The following SCUBE1 variants were observed in gnomAD, a reference collection of about 807,000 sequenced individuals.
SCUBE1 encodes signal peptide, CUB domain and EGF like domain containing 1.
In SCUBE1, 59 loss-of-function variants were observed where a neutral mutation model predicts 124.4. The observed-to-expected ratio is 0.47, with a 90% confidence interval of 0.38 to 0.59. SCUBE1 has a LOEUF of 0.59. Among genes scored for constraint, SCUBE1 ranks in the 20% least tolerant of loss-of-function variants. SCUBE1 has a pLI of 0.00. For missense variants in SCUBE1, 1,150 were observed against 1,371.2 expected (o/e 0.84, Z 2.55); for synonymous variants, 545 against 550.9 (o/e 0.99, Z 0.15).
chr22:43,229,229 A>C (rs1470882384), intron 8 of SCUBE1, 41 bp from the exon 9 acceptor site: 32 of 768,812 alleles, frequency 4.2e-5, no homozygotes, highest in Non-Finnish European at 6.1e-5. Flanking sequence ...GAGGAGTTTG[A>C]GGGAGTGGTG....
intron 6 of SCUBE1, among the ~76,000 whole-genome samples, chr22:43,241,817 C>T (rs999806751): frequency 6.6e-6 from 1 of 152,248 alleles, no homozygotes; most frequent in Non-Finnish European, 1.5e-5. Context: ...GAAATGTGCC[C>T]ATGTCAGGCT....
At chr22:43,293,806 A>C (rs751488606) in intron 3 of SCUBE1, among the ~76,000 whole-genome samples, 11 of 152,216 alleles carry the variant, frequency 7.2e-5, no homozygotes, top group Admixed American at 1.3e-4. Flanking sequence ...ACTGTAAAGC[A>C]AACCAAACAG....
chr22:43,265,871 G>A (rs541257009), intron 4 of SCUBE1, among the ~76,000 whole-genome samples: 2 of 152,196 alleles, frequency 1.3e-5, no homozygotes, highest in Non-Finnish European at 2.9e-5. Context: ...AGAGCGAGGC[G>A]GGGGGAATCA....
chr22:43,300,952 C>T (rs1292147282), intron 3 of SCUBE1, among the ~76,000 whole-genome samples: 1 of 152,172 alleles, frequency 6.6e-6, no homozygotes, highest in East Asian at 1.9e-4. Flanking sequence ...ACTTCATGGG[C>T]CGCGTGCTGA....
At position 43,211,549 on chromosome 22, in the gene SCUBE1, C is replaced by T. The variant is rs139608787; in HGVS notation, c.2222-466G>A. Among the ~76,000 whole-genome samples the T allele has an allele frequency of 6.7e-6, 1 of 150,278 alleles. No individual in the cohort carries two copies. Among genetic ancestry groups the T allele is most frequent in the East Asian group, 2.0e-4 (1 of 5,116 alleles). On this transcript the variant is annotated intron_variant, in intron 17 of 21. Coordinates refer to ENST00000360835, the MANE Select transcript of SCUBE1 (RefSeq NM_173050.5). This position sits in a 1 kb window ranked among gnomAD's most constrained non-coding sequence, Gnocchi z 4.5. ...TTTTTTTTTTTTGAGATGGAGCTCG[C>T]TCCGTCACCCAGGCTGGAGTGCAAT...
intron 3 of SCUBE1, among the ~76,000 whole-genome samples, chr22:43,299,038 C>T (rs1426563154): frequency 1.6e-4 from 22 of 139,896 alleles, no homozygotes; most frequent in South Asian, 9.5e-4. Context: ...GGCGACACAG[C>T]GAGACTCCGT....
chr22:43,336,371 C>T (rs9623813), intron 2 of SCUBE1, among the ~76,000 whole-genome samples: 2,867 of 152,282 alleles, frequency 0.019, 95 homozygotes, highest in African/African-American at 0.066. Context: ...TCCGCACTCC[C>T]CTCTGTGGAT....
intron 2 of SCUBE1, among the ~76,000 whole-genome samples, chr22:43,325,541 T>C (rs937338139): frequency 6.6e-6 from 1 of 152,034 alleles, no homozygotes; most frequent in African/African-American, 2.4e-5. Flanking sequence ...TACTTTTCTT[T>C]CCAAGATCTG....
intron 15 of SCUBE1, among the ~76,000 whole-genome samples, chr22:43,215,182 T>C (rs1329502615): frequency 2.6e-5 from 4 of 152,096 alleles, no homozygotes; most frequent in African/African-American, 7.2e-5. Flanking sequence ...AGAGTGTCAG[T>C]TGGATCTGAA....
intron 7 of SCUBE1, among the ~76,000 whole-genome samples, chr22:43,233,037 G>A (rs1328107257): frequency 6.6e-6 from 1 of 152,176 alleles, no homozygotes; most frequent in Non-Finnish European, 1.5e-5. Context: ...AAAATAAGAG[G>A]TTTTATTTCT....
At chr22:43,318,573 GCTGA>G (rs1223612129) in intron 3 of SCUBE1, among the ~76,000 whole-genome samples, 2 of 152,168 alleles carry the variant, frequency 1.3e-5, no homozygotes, top group African/African-American at 2.4e-5. Flanking sequence ...GCAAATGCAT[GCTGA>G]CTATCTGATC....
At chr22:43,296,715 T>C (rs1036510096) in intron 3 of SCUBE1, among the ~76,000 whole-genome samples, 1 of 152,186 alleles carries the variant, frequency 6.6e-6, no homozygotes, top group Admixed American at 6.5e-5. Flanking sequence ...GATGTACAAC[T>C]GTATCTGTGA....
chr22:43,297,941 C>T (rs946529627), intron 3 of SCUBE1, among the ~76,000 whole-genome samples: 13 of 152,204 alleles, frequency 8.5e-5, no homozygotes, highest in African/African-American at 3.1e-4. Context: ...CCAGCTCCCA[C>T]GGAAGGTCTA....
rs780014959 is a variant in SCUBE1, at chr22:43,211,089, G to A, written c.2222-6C>T. The stretch of plus-strand genomic sequence containing the variant: ...GTGGCCGGGGGAGCAGTGCACTGCC[G>A]GGGGACACAAGGCAGTGTGGTGGGT... On this transcript the variant is annotated splice_polypyrimidine_tract_variant and splice_region_variant and intron_variant, in intron 17 of 21. Transcript: ENST00000360835. This position sits in a 1 kb window ranked among gnomAD's most constrained non-coding sequence, Gnocchi z 4.5. 41 of 1,604,958 alleles carry A rather than the reference G, an allele frequency of 2.6e-5. No homozygotes were observed. Among genetic ancestry groups the A allele is most frequent in the Non-Finnish European group, 3.1e-5 (37 of 1,175,538 alleles).
chr22:43,284,905 G>C (rs1011347813), intron 4 of SCUBE1, among the ~76,000 whole-genome samples: 2 of 152,154 alleles, frequency 1.3e-5, no homozygotes, highest in Non-Finnish European at 2.9e-5. Context: ...CTTGAGCTTT[G>C]TGAACAGTGG....
At chr22:43,334,376 A>G (rs1926996034) in intron 2 of SCUBE1, among the ~76,000 whole-genome samples, 1 of 152,234 alleles carries the variant, frequency 6.6e-6, no homozygotes, top group African/African-American at 2.4e-5. Context: ...TATGGTTTAT[A>G]TGAACAGTCG....
At chr22:43,267,632 G>T (rs772743388) in intron 4 of SCUBE1, among the ~76,000 whole-genome samples, 1 of 152,204 alleles carries the variant, frequency 6.6e-6, no homozygotes, top group African/African-American at 2.4e-5. Flanking sequence ...GCCCATTCTA[G>T]CTCCTCACCA....
At chr22:43,248,794 C>A (rs569013864) in intron 6 of SCUBE1, among the ~76,000 whole-genome samples, 2 of 152,328 alleles carry the variant, frequency 1.3e-5, no homozygotes, top group South Asian at 4.1e-4. Flanking sequence ...CTTCCCACTT[C>A]CAAGCACGTC....
intron 2 of SCUBE1, among the ~76,000 whole-genome samples, chr22:43,335,928 GTGA>G (rs1438235905): frequency 2.0e-5 from 3 of 149,416 alleles, no homozygotes; most frequent in South Asian, 2.1e-4. Context: ...GATGATGGTG[GTGA>G]TGATGATGGT....
Sources: allele counts gnomAD v4.1 joint callset (sites outside exome capture counted in the v4.1 genomes callset), GRCh38; gene constraint gnomAD v4.1.1; non-coding constraint Gnocchi (gnomAD v3.1); transcripts MANE v1.5; gene names NCBI Gene and HGNC (gene_info 2026-07-23, HGNC 2026-07-21).